Variants in WDR19 observed in about 807,000 individuals in gnomAD.
WDR19 encodes WD repeat domain 19, also known as WD repeat-containing protein 19.
WDR19 carries 121 observed loss-of-function variants against 180.0 expected under a neutral mutation model. The ratio of observed to expected loss-of-function variants is 0.67; its 90% CI spans 0.58 to 0.78. WDR19 has a LOEUF of 0.78. Ranked by LOEUF, WDR19 falls within the 30% of genes least tolerant of loss-of-function variation. The pLI is 0.00. For missense variants in WDR19, 1,450 were observed against 1,640.7 expected (o/e 0.88, Z 2.01); for synonymous variants, 497 against 540.7 (o/e 0.92, Z 1.12).
At chr4:39,199,665 C>T in intron 6 of WDR19, 72 bp downstream of exon 6, 11 of 1,230,674 alleles carry the variant, frequency 8.9e-6, no homozygotes, top group African/African-American at 1.5e-5. Flanking sequence ...GTCTGTCAAA[C>T]TAATCTATAC....
At chr4:39,215,546 T>C (rs1163661828) in intron 10 of WDR19, among the ~76,000 whole-genome samples, 1 of 152,154 alleles carries the variant, frequency 6.6e-6, no homozygotes, top group Admixed American at 6.5e-5. Flanking sequence ...GTAAGTACAC[T>C]CTATGATGTT....
chr4:39,266,803 G>T (rs1020807651), intron 29 of WDR19, among the ~76,000 whole-genome samples: 7 of 152,226 alleles, frequency 4.6e-5, no homozygotes, highest in Non-Finnish European at 1.0e-4. Context: ...AAATAAATTG[G>T]CCAGGCGCGG....
Position 39,281,215 on chromosome 4 carries a change from G to GTGTGTGTGTGTGTGTGTA in WDR19, c.*13+2553_*13+2554insGTGTGTGTGTGTGTGTAT, listed in dbSNP as rs1167602972. Among the ~76,000 whole-genome samples, 62 of 110,106 alleles carry GTGTGTGTGTGTGTGTGTA rather than the reference G, an allele frequency of 5.6e-4. 3 individuals are homozygous for GTGTGTGTGTGTGTGTGTA. The highest frequency in any genetic ancestry group is 1.4e-3 in the African/African-American group (34 of 23,486). The allele number at this position is 110,106 out of a possible 152,430, so 72.2% of individuals were successfully genotyped here. A position where few individuals can be genotyped will look rare whatever the true frequency, so the allele number is the denominator to read the frequency against. ...TTGTCCTAAATATATATGTGTGTGT[G>GTGTGTGTGTGTGTGTGTA]TATATATATATATATATATATAGAG... On this transcript the variant is annotated intron_variant, in intron 36 of 36. Transcript: ENST00000399820.
chr4:39,194,467 C>T, intron 4 of WDR19, 77 bp from the exon 5 acceptor site: 3 of 854,338 alleles, frequency 3.5e-6, no homozygotes, highest in South Asian at 2.3e-5. Flanking sequence ...TAAAATTATC[C>T]AAGGAGTACT....
chr4:39,277,982 A>T (rs1042222452), intron 34 of WDR19, 149 bp from the exon 35 acceptor site: 43 of 646,544 alleles, frequency 6.7e-5, no homozygotes, highest in Non-Finnish European at 1.1e-4. Flanking sequence ...TGAACCCAGG[A>T]GGTGGAGGTT....
chr4:39,276,000 T>C (rs1242821802), intron 33 of WDR19, among the ~76,000 whole-genome samples: 1 of 152,184 alleles, frequency 6.6e-6, no homozygotes, highest in Non-Finnish European at 1.5e-5. Context: ...AGCCCTTGCA[T>C]TTGGAAAAGA....
rs1177226245 is a variant in WDR19, at chr4:39,235,573, AG to A, written c.2363+700del. Among the ~76,000 whole-genome samples the A allele has an allele frequency of 1.3e-5, 2 of 152,216 alleles. 1 individual carries two copies. On this transcript the variant is annotated intron_variant, in intron 20 of 36. Coordinates refer to ENST00000399820, the MANE Select transcript of WDR19 (RefSeq NM_025132.4). ...TTTCAAACCATAGTGAAAAACACCA[AG>A]GTTTCATCTACATTTTCTATTTGCT... is the stretch of plus-strand genomic sequence containing the variant.
intron 35 of WDR19, 98 bp from the exon 36 acceptor site, chr4:39,278,441 G>T: frequency 1.1e-6 from 1 of 925,574 alleles, no homozygotes. Flanking sequence ...TGTGTTAAGA[G>T]GTGTAGACAG....
chr4:39,264,906 C>T (rs1396194543), intron 28 of WDR19, among the ~76,000 whole-genome samples: 1 of 136,552 alleles, frequency 7.3e-6, no homozygotes, highest in Non-Finnish European at 1.5e-5. Flanking sequence ...TTTAACTCGC[C>T]TTTATGGAGA....
intron 1 of WDR19, among the ~76,000 whole-genome samples, chr4:39,185,201 G>A (rs1725386111): frequency 6.6e-6 from 1 of 152,120 alleles, no homozygotes; most frequent in African/African-American, 2.4e-5. Flanking sequence ...GTTTTCAGTT[G>A]ATAACACTAT....
intron 17 of WDR19, 75 bp from the exon 18 acceptor site, chr4:39,231,722 T>C: frequency 7.4e-7 from 1 of 1,349,660 alleles, no homozygotes; most frequent in Non-Finnish European, 9.9e-7. Flanking sequence ...CGCTATTAGA[T>C]GACATGTAGT....
At position 39,189,666 on chromosome 4, in the gene WDR19, G is replaced by A; in HGVS notation, c.175G>A (p.Ala59Thr). The A allele has an allele frequency of 6.3e-7, 1 of 1,597,976 alleles. No individual in the cohort carries two copies. The highest frequency in any genetic ancestry group is 1.7e-4 in the Middle Eastern group (1 of 6,026). The change falls in exon 4 of 37, where the codon GCC (alanine) becomes ACC (threonine). Residue 59 changes from alanine (A) to threonine (T), a missense_variant. Coordinates refer to ENST00000399820, the MANE Select transcript of WDR19 (RefSeq NM_025132.4). ...SEINLPGNCV[A>T]MDWDKDGDVL... ...TCTCTTTTTTAAAAGTAACTGTGTT[G>A]CCATGGATTGGGATAAAGATGGAGA...
chr4:39,278,056 A>C (rs780800428), intron 34 of WDR19, 75 bp from the exon 35 acceptor site: 1 of 1,389,898 alleles, frequency 7.2e-7, no homozygotes, highest in Admixed American at 2.2e-5. Context: ...TCCGTCAAAA[A>C]AAAAAAAAAA....
At chr4:39,266,164 T>C (rs1482514051) in intron 29 of WDR19, 24 bp downstream of exon 29, 2 of 1,525,024 alleles carry the variant, frequency 1.3e-6, no homozygotes, top group Non-Finnish European at 8.9e-7. Context: ...GGGCTTCGTG[T>C]GCATCCTCAG....
intron 17 of WDR19, among the ~76,000 whole-genome samples, chr4:39,231,026 G>T (rs923762427): frequency 1.3e-5 from 2 of 152,058 alleles, no homozygotes; most frequent in Non-Finnish European, 2.9e-5. Context: ...TAAAGAGTGG[G>T]CTGGGCCGGG....
At chr4:39,211,968 A>AT (rs1198380868) in intron 9 of WDR19, among the ~76,000 whole-genome samples, 6 of 145,054 alleles carry the variant, frequency 4.1e-5, no homozygotes, top group Admixed American at 1.3e-4. Flanking sequence ...AGAGAGAGAG[A>AT]GAGAGAGAGA....
rs944560316 is a variant in WDR19, at chr4:39,239,160, TAG to T, written c.2364-1110_2364-1109del. On this transcript the variant is annotated intron_variant, in intron 20 of 36. Coordinates refer to ENST00000399820, the MANE Select transcript of WDR19 (RefSeq NM_025132.4). ...ACCCGGCTAATTTTTGTATTTTTAGTAGAGAGAGGGTTTCACCATGTTGGTCA... is the reference window on the plus strand; with the variant it reads ...ACCCGGCTAATTTTTGTATTTTTAGTAGAGAGGGTTTCACCATGTTGGTCA... 3.4e-4 allele frequency among the ~76,000 whole-genome samples: 52 copies of T among 152,118 alleles called. 2 individuals are homozygous for T. Among genetic ancestry groups the T allele is most frequent in the African/African-American group, 1.2e-3 (48 of 41,480 alleles).
At position 39,216,019 on chromosome 4, in the gene WDR19, A is replaced by C; in HGVS notation, c.1134+6A>C. The C allele has an allele frequency of 1.3e-6, 2 of 1,569,776 alleles. No individual in the cohort carries two copies. The highest frequency in any genetic ancestry group is 2.3e-5 in the East Asian group (1 of 42,592). ...TAGCCAACCCTGTTGAAGGAGTATG[A>C]AAATGGTGTTATTTTTCTTTTATTT... On this transcript the variant is annotated splice_donor_region_variant and intron_variant, in intron 11 of 36. Transcript: ENST00000399820.
rs1379087804 is a variant in WDR19 at position 39,232,165 on chromosome 4, A to G, written c.2146A>G (p.Ile716Val). 17 of 1,613,010 alleles carry G rather than the reference A, an allele frequency of 1.1e-5. No homozygotes were observed. The highest frequency in any genetic ancestry group is 1.4e-5 in the Non-Finnish European group (17 of 1,179,380). ...IVMSLEQIKG[I>V]EDYNLLAGHL... ...TCAGAATTGCTTTTATTTGTAGGGA[A>G]TAGAGGACTACAATCTTTTGGCAGG... Residue 716 changes from isoleucine (I) to valine (V), a missense_variant, in exon 19 of 37, where the codon ATA becomes GTA. Coordinates refer to ENST00000399820, the MANE Select transcript of WDR19 (RefSeq NM_025132.4).
Sources: gnomAD v4.1 joint callset for allele counts (sites outside exome capture counted in the v4.1 genomes callset) on GRCh38, gnomAD v4.1.1 for gene constraint, MANE v1.5 for transcripts, NCBI Gene and HGNC (gene_info 2026-07-23, HGNC 2026-07-21) for gene names.